SMC3: variants seen among roughly 807,000 people sequenced by gnomAD.
SMC3 encodes the protein structural maintenance of chromosomes protein 3.
Under a neutral mutation model 171.8 loss-of-function variants are expected in SMC3, and 20 were observed. The observed-to-expected ratio is 0.12, with a 90% CI of 0.08 to 0.17. The LOEUF is 0.17. Ranked by LOEUF, SMC3 falls within the 10% of genes least tolerant of loss-of-function variation. The pLI is 1.00. For missense variants in SMC3, 543 were observed against 1,420.4 expected, an observed-to-expected ratio of 0.38 and a Z score of 9.93; for synonymous variants, 464 against 451.1, an observed-to-expected ratio of 1.03 and a Z score of -0.36.
At chr10:110,602,367 T>C in intron 25 of SMC3, 107 bp from the exon 26 acceptor site, 1 of 1,052,408 alleles carries the variant, frequency 9.5e-7, no homozygotes, top group Non-Finnish European at 1.4e-6. Flanking sequence ...TAGTCTGTTA[T>C]CCTTGTTCTT....
At chr10:110,574,933 A>G (rs758848449) in intron 3 of SMC3, among the ~76,000 whole-genome samples, 22 of 152,188 alleles carry the variant, frequency 1.4e-4, no homozygotes, top group Admixed American at 2.6e-4. Context: ...CATATTCTCA[A>G]AATACATCCT....
chr10:110,592,903 A>G (rs1421608440), intron 17 of SMC3, among the ~76,000 whole-genome samples, 170 bp from the exon 18 acceptor site: 7 of 152,236 alleles, frequency 4.6e-5, no homozygotes, highest in Non-Finnish European at 1.0e-4. Flanking sequence ...CAAAATTACC[A>G]GGATATTCTA....
chr10:110,590,025 C>G (rs1312901895), intron 15 of SMC3, 34 bp downstream of exon 15: 1 of 1,548,950 alleles, frequency 6.5e-7, no homozygotes, highest in Non-Finnish European at 8.9e-7. Flanking sequence ...TCTGTTTACA[C>G]TGAGTCATTG....
intron 18 of SMC3, among the ~76,000 whole-genome samples, chr10:110,595,001 T>C (rs1861274659): frequency 6.6e-6 from 1 of 151,906 alleles, no homozygotes; most frequent in Non-Finnish European, 1.5e-5. Flanking sequence ...TTTATTTTTT[T>C]TTTTTGAGAT....
chr10:110,583,698 T>C lies in SMC3; in HGVS notation c.970-143T>C, dbSNP rs147866613. ...TTGTACTCAAGTAACAACTTGGTAC[T>C]GTCCCTTTGTTTCTTACATTAAAAA... On this transcript the variant is annotated intron_variant, in intron 11 of 28. Coordinates refer to ENST00000361804, the MANE Select transcript of SMC3 (RefSeq NM_005445.4). 8.2e-4 allele frequency: 969 copies of C among 1,179,444 alleles called. 7 individuals carry two copies. The African/African-American group carries it at 0.013, about 16-fold the overall frequency. The allele number at this position is 1,179,444 out of a possible 1,614,324, so 73.1% of individuals were successfully genotyped here. A position where few individuals can be genotyped will look rare whatever the true frequency, so the allele number is the denominator to read the frequency against.
intron 2 of SMC3, among the ~76,000 whole-genome samples, chr10:110,572,942 A>C (rs2134712885): frequency 6.6e-6 from 1 of 152,272 alleles, no homozygotes; most frequent in South Asian, 2.1e-4. Flanking sequence ...AGTTTTAGCT[A>C]CTGAAAGGCC....
intron 28 of SMC3, among the ~76,000 whole-genome samples, chr10:110,603,679 A>G (rs747550302): frequency 6.6e-6 from 1 of 152,248 alleles, no homozygotes; most frequent in Non-Finnish European, 1.5e-5. Flanking sequence ...ATGTTTAGGC[A>G]TGATATTTAT....
chr10:110,587,578 CGGG>C (rs957039990), intron 13 of SMC3, among the ~76,000 whole-genome samples: 9 of 151,184 alleles, frequency 6.0e-5, no homozygotes, highest in African/African-American at 1.9e-4. Flanking sequence ...GCCAGCTACT[CGGG>C]GGGCTGAGGC....
intron 17 of SMC3, among the ~76,000 whole-genome samples, chr10:110,592,032 G>A (rs188986981): frequency 6.6e-6 from 1 of 152,130 alleles, no homozygotes; most frequent in Non-Finnish European, 1.5e-5. Context: ...GGGAGGGGGA[G>A]GTGGGCGGAT....
intron 20 of SMC3, 65 bp from the exon 21 acceptor site, chr10:110,599,589 T>C: frequency 6.9e-7 from 1 of 1,454,574 alleles, no homozygotes; most frequent in Non-Finnish European, 9.4e-7. Context: ...TAGATTGTTT[T>C]AAAATTTTCA....
chr10:110,575,850 T>A (rs150263348), intron 4 of SMC3, among the ~76,000 whole-genome samples: 352 of 152,280 alleles, frequency 2.3e-3, no homozygotes, highest in Non-Finnish European at 4.1e-3. Flanking sequence ...AAGAAGCAGG[T>A]TTGCTGAGGA....
Position 110,582,107 on chromosome 10 carries a change from T to C in SMC3, c.723+9T>C. ...GTGCCAAACTTGATGAGGTAAAATATTTACCTGTGACACTTAAAATCAGAT... is the reference window on the plus strand; with the variant it reads ...GTGCCAAACTTGATGAGGTAAAATACTTACCTGTGACACTTAAAATCAGAT... On this transcript the variant is annotated intron_variant, in intron 9 of 28. Transcript: ENST00000361804. The C allele has an allele frequency of 1.2e-6, 2 of 1,606,496 alleles. No individual in the cohort carries two copies. Among genetic ancestry groups the C allele is most frequent in the East Asian group, 4.5e-5 (2 of 44,770 alleles).
In SMC3 at chr10:110,604,610, A is replaced by G. The variant is rs1476835948; in HGVS notation, c.*308A>G. ...TTATACTACCTTTTTTATAGCTTCA[A>G]TTAAATAATCGGTTTTATGACTAAT... On this transcript the variant is annotated 3_prime_UTR_variant, in exon 29 of 29. Coordinates refer to ENST00000361804, the MANE Select transcript of SMC3 (RefSeq NM_005445.4). 3.1e-5 allele frequency: 10 copies of G among 325,910 alleles called. No individual in the cohort carries two copies. Among genetic ancestry groups the G allele is most frequent in the Admixed American group, 9.3e-5 (2 of 21,606 alleles). The allele number at this position is 325,910 out of a possible 1,614,324, so 20.2% of individuals were successfully genotyped here. A position where few individuals can be genotyped will look rare whatever the true frequency, so the allele number is the denominator to read the frequency against.
chr10:110,583,252 G>C, intron 10 of SMC3, 132 bp from the exon 11 acceptor site: 2 of 742,432 alleles, frequency 2.7e-6, no homozygotes, highest in Non-Finnish European at 2.3e-6. Context: ...GATTACACAA[G>C]GGAGAGTTAG....
At chr10:110,593,528 C>T (rs369596609) in intron 18 of SMC3, among the ~76,000 whole-genome samples, 1 of 152,024 alleles carries the variant, frequency 6.6e-6, no homozygotes, top group African/African-American at 2.4e-5. Flanking sequence ...GCCGAGATCA[C>T]GCCACTGCAC....
At chr10:110,581,511 C>T (rs1048937148) in intron 8 of SMC3, among the ~76,000 whole-genome samples, 4 of 152,036 alleles carry the variant, frequency 2.6e-5, no homozygotes, top group Admixed American at 6.5e-5. Context: ...GCCACTGCGC[C>T]TGGCCGGCAC....
At chr10:110,569,331 T>A (rs1345413742) in intron 2 of SMC3, among the ~76,000 whole-genome samples, 1 of 152,188 alleles carries the variant, frequency 6.6e-6, no homozygotes, top group Non-Finnish European at 1.5e-5. Flanking sequence ...TGTTGCCTTA[T>A]TTCAGAGACA....
chr10:110,592,192 G>A (rs1391023211), intron 17 of SMC3, among the ~76,000 whole-genome samples: 4 of 151,998 alleles, frequency 2.6e-5, no homozygotes, highest in African/African-American at 9.7e-5. Context: ...TTGAACTGGG[G>A]AGGCAGAGGT....
At position 110,601,124 on chromosome 10, in the gene SMC3, T is replaced by A; in HGVS notation, c.2638T>A (p.Ser880Thr). 6.2e-7 allele frequency: 1 copy of A among 1,611,718 alleles called. No individual in the cohort carries two copies. Among genetic ancestry groups the A allele is most frequent in the Non-Finnish European group, 8.5e-7 (1 of 1,177,952 alleles). The stretch of plus-strand genomic sequence containing the variant: ...AAGAGTAAAAGACACTATGGCACGA[T>A]CAGAAGGTGAATTTTTATGTAGTAA... ...NKRVKDTMAR[S>T]EDLDNSIDKT... The change falls in exon 23 of 29, where the codon TCA (serine) becomes ACA (threonine). Residue 880 changes from serine to threonine, a missense_variant. By Grantham distance (58) the Ser-to-Thr change is moderately conservative. Transcript: ENST00000361804.
Sources: allele counts gnomAD v4.1 joint callset (sites outside exome capture counted in the v4.1 genomes callset), GRCh38; gene constraint gnomAD v4.1.1; transcripts MANE v1.5; gene names NCBI Gene and HGNC (gene_info 2026-07-23, HGNC 2026-07-21).